ZNF492: variants seen among roughly 807,000 people sequenced by gnomAD.
ZNF492 encodes the protein zinc finger protein 115 (Y20).
Under a neutral mutation model 6.4 loss-of-function variants are expected in ZNF492, and 3 were observed. The ratio of observed to expected loss-of-function variants is 0.47; its 90% CI spans 0.21 to 1.22. The LOEUF is 1.22. Ranked by LOEUF, ZNF492 falls within the 50% of genes most tolerant of loss-of-function variation. The probability of loss-of-function intolerance (pLI) is 0.22; values close to 1 mark genes in which losing one functional copy is unlikely to be tolerated. For synonymous variants in ZNF492, 112 were observed against 205.3 expected (o/e 0.55, Z 3.89); for missense variants, 356 against 612.5 (o/e 0.58, Z 4.42).
rs1214975184 is a variant in ZNF492 at position 22,652,376 on chromosome 19, C to T, written c.-93-931C>T. Among the ~76,000 whole-genome samples the T allele has an allele frequency of 3.5e-5, 4 of 115,182 alleles. 1 individual carries two copies. Among genetic ancestry groups the T allele is most frequent in the Non-Finnish European group, 1.7e-5 (1 of 58,008 alleles). The allele number at this position is 115,182 out of a possible 152,430, so 75.6% of individuals were successfully genotyped here. On this transcript the variant is annotated intron_variant, in intron 1 of 3. Coordinates refer to ENST00000456783, the MANE Select transcript of ZNF492 (RefSeq NM_020855.3). ...CCGAGTAGCTGGGACTACAGGCGCC[C>T]GCCACCTTAGGTTTTCTTTGCATTT... is the stretch of plus-strand genomic sequence containing the variant.
At chr19:22,641,583 A>G (rs1363052109) in intron 1 of ZNF492, among the ~76,000 whole-genome samples, 1 of 152,176 alleles carries the variant, frequency 6.6e-6, no homozygotes, top group Non-Finnish European at 1.5e-5. Context: ...TGTTGTTTTT[A>G]GATGGAGAGT....
At chr19:22,641,611 G>A (rs1023683038) in intron 1 of ZNF492, among the ~76,000 whole-genome samples, 6 of 152,012 alleles carry the variant, frequency 3.9e-5, no homozygotes, top group Non-Finnish European at 7.4e-5. Flanking sequence ...AAATCTATTA[G>A]GACTGTTTAG....
chr19:22,658,897 GT>G (rs1972024896), intron 3 of ZNF492, among the ~76,000 whole-genome samples: 1 of 145,330 alleles, frequency 6.9e-6, no homozygotes, highest in Non-Finnish European at 1.5e-5. Context: ...ATACCAAATT[GT>G]TTTAATTCTG....
chr19:22,647,815 C>T (rs67963956), intron 1 of ZNF492, among the ~76,000 whole-genome samples: 26,606 of 145,994 alleles, frequency 0.18, 3,344 homozygotes, highest in African/African-American at 0.35. Context: ...CTGCAACCTC[C>T]GCCTCCTGGG....
At chr19:22,662,859 A>G (rs1186039297) in intron 3 of ZNF492, among the ~76,000 whole-genome samples, 1 of 151,862 alleles carries the variant, frequency 6.6e-6, no homozygotes, top group Non-Finnish European at 1.5e-5. Flanking sequence ...GGTAGATTGC[A>G]TAGATTTTCT....
chr19:22,640,139 G>A (rs574276518), intron 1 of ZNF492, among the ~76,000 whole-genome samples: 5 of 151,636 alleles, frequency 3.3e-5, no homozygotes, highest in African/African-American at 1.2e-4. Flanking sequence ...ATTATGTGAT[G>A]AATCACATTT....
At chr19:22,659,977 G>C (rs909046662) in intron 3 of ZNF492, among the ~76,000 whole-genome samples, 13 of 152,032 alleles carry the variant, frequency 8.6e-5, no homozygotes, top group African/African-American at 2.9e-4. Flanking sequence ...AAATCTGTAA[G>C]TTTTAATGTC....
intron 3 of ZNF492, among the ~76,000 whole-genome samples, chr19:22,660,445 G>C (rs62118821): frequency 0.19 from 27,811 of 148,408 alleles, 3,443 homozygotes; most frequent in African/African-American, 0.36. Flanking sequence ...CTTGGGGGTT[G>C]CATAAAACTT....
intron 3 of ZNF492, among the ~76,000 whole-genome samples, chr19:22,658,209 C>G (rs1284636095): frequency 6.6e-6 from 1 of 151,850 alleles, no homozygotes; most frequent in South Asian, 2.1e-4. Flanking sequence ...AAGACTGAGC[C>G]CAAAAGCTTG....
intron 3 of ZNF492, among the ~76,000 whole-genome samples, chr19:22,657,195 TATAG>T (rs1204763575): frequency 1.3e-5 from 2 of 152,104 alleles, no homozygotes; most frequent in Non-Finnish European, 2.9e-5. Context: ...AAAAAGGAAA[TATAG>T]ACAGGCAAAA....
intron 1 of ZNF492, among the ~76,000 whole-genome samples, chr19:22,651,304 C>G (rs1391967576): frequency 6.6e-6 from 1 of 152,012 alleles, no homozygotes; most frequent in Non-Finnish European, 1.5e-5. Context: ...CATTATGGTT[C>G]TTTTCGGTGG....
rs1363448255 is a variant in ZNF492, at chr19:22,647,591, G to A, written c.-93-5716G>A. 4.9e-5 allele frequency among the ~76,000 whole-genome samples: 7 copies of A among 143,218 alleles called. No homozygotes were observed. The East Asian group carries it at 1.4e-3, about 29-fold the overall frequency. 94.0% of individuals were successfully genotyped at this position (143,218 alleles called of 152,430 possible). A position where few individuals can be genotyped will look rare whatever the true frequency, so the allele number is the denominator to read the frequency against. On this transcript the variant is annotated intron_variant, in intron 1 of 3. Coordinates refer to ENST00000456783, the MANE Select transcript of ZNF492 (RefSeq NM_020855.3). The stretch of plus-strand genomic sequence containing the variant: ...ATTTTGTTAATTTTTTCAAAAAACA[G>A]CTCCTGGATTCATTGATTTTTTTTT...
intron 1 of ZNF492, among the ~76,000 whole-genome samples, chr19:22,652,374 C>T (rs1971949360): frequency 8.6e-6 from 1 of 116,714 alleles, no homozygotes; most frequent in Admixed American, 8.2e-5. Flanking sequence ...ACTACAGGCG[C>T]CCGCCACCTT....
chr19:22,653,237 C>T, intron 1 of ZNF492, 70 bp from the exon 2 acceptor site: 5 of 1,561,796 alleles, frequency 3.2e-6, no homozygotes, highest in Non-Finnish European at 4.3e-6. Flanking sequence ...CTTGTTTTAC[C>T]TTGAGTCAAA....
chr19:22,663,720 A>T, intron 3 of ZNF492, 80 bp from the exon 4 acceptor site: 1 of 1,328,284 alleles, frequency 7.5e-7, no homozygotes, highest in South Asian at 1.9e-5. Flanking sequence ...TGTAGTTTGT[A>T]TAATTTTATA....
intron 1 of ZNF492, among the ~76,000 whole-genome samples, chr19:22,646,361 C>T (rs4024190): frequency 1.3e-5 from 2 of 151,986 alleles, no homozygotes; most frequent in Non-Finnish European, 2.9e-5. Context: ...TTTGCACATT[C>T]ATTTTGTATC....
intron 1 of ZNF492, among the ~76,000 whole-genome samples, chr19:22,636,734 A>G (rs77992908): frequency 0.19 from 28,015 of 149,400 alleles, 3,428 homozygotes; most frequent in African/African-American, 0.36. Flanking sequence ...TCCCGGTTCA[A>G]GCAATTCTCC....
At chr19:22,640,501 T>C (rs745838777) in intron 1 of ZNF492, among the ~76,000 whole-genome samples, 4 of 152,176 alleles carry the variant, frequency 2.6e-5, no homozygotes, top group African/African-American at 4.8e-5. Flanking sequence ...CAAAATAAAC[T>C]CTACTTGATT....
Position 22,665,439 on chromosome 19 carries a change from TATAA to T in ZNF492, c.*176_*179del, listed in dbSNP as rs1972114814. ...TTATACTTGAGAACAAATGTACAAA[TATAA>T]AGAAAGTAAAAAAGTGATTAATATC... On this transcript the variant is annotated 3_prime_UTR_variant, in exon 4 of 4. Coordinates refer to ENST00000456783, the MANE Select transcript of ZNF492 (RefSeq NM_020855.3). 8.3e-6 allele frequency: 11 copies of T among 1,326,086 alleles called. No homozygotes were observed. The highest frequency in any genetic ancestry group is 2.7e-4 in the Middle Eastern group (1 of 3,732). The allele number at this position is 1,326,086 out of a possible 1,614,324, so 82.1% of individuals were successfully genotyped here.
Sources: gnomAD v4.1 joint callset for allele counts (sites outside exome capture counted in the v4.1 genomes callset) on GRCh38, gnomAD v4.1.1 for gene constraint, MANE v1.5 for transcripts, NCBI Gene and HGNC (gene_info 2026-07-23, HGNC 2026-07-21) for gene names.